The following PCDHA4 variants were observed in gnomAD, a reference collection of about 807,000 sequenced individuals.
PCDHA4 encodes the protein protocadherin alpha 4, also known as protocadherin alpha-4.
PCDHA4 carries 49 observed loss-of-function variants against 61.4 expected under a neutral mutation model. That is an observed-to-expected ratio of 0.80 (90% CI 0.63 to 1.01). PCDHA4 has a LOEUF of 1.01. Ranked by LOEUF, PCDHA4 falls within the 50% of genes least tolerant of loss-of-function variation. The pLI is 0.00. For missense variants in PCDHA4, 1,254 were observed against 1,235.8 expected (o/e 1.01, Z -0.22); for synonymous variants, 590 against 550.3 (o/e 1.07, Z -1.01).
At chr5:140,863,444 G>T in intron 1 of PCDHA4, 4 of 585,532 alleles carry the variant, frequency 6.8e-6, no homozygotes, top group South Asian at 1.4e-5. Flanking sequence ...GGTCTTACTC[G>T]CAGCAAAGGA....
Position 140,961,691 on chromosome 5 carries a change from T to A in PCDHA4, c.2386-17258T>A, listed in dbSNP as rs963909259. On this transcript the variant is annotated intron_variant, in intron 1 of 3. Transcript: ENST00000530339. Reference sequence around the variant, plus strand: ...GTTTTTAATTAAGCCGGAGTAGTCCTTAGTATGAATGCCTTCATTTCTAAG... The same window carrying A: ...GTTTTTAATTAAGCCGGAGTAGTCCATAGTATGAATGCCTTCATTTCTAAG... Among the ~76,000 whole-genome samples the A allele has an allele frequency of 2.0e-5, 3 of 152,340 alleles. No individual in the cohort carries two copies. In the East Asian group the frequency reaches 5.8e-4, roughly 29 times the overall value.
rs78805068 is a variant in PCDHA4, at chr5:140,928,696, C to T, written c.2386-50253C>T. On this transcript the variant is annotated intron_variant, in intron 1 of 3. Transcript: ENST00000530339. ...TGCCTGGCTTTCCTACCACATCTCC[C>T]GGGCGTCTGACTCTAGTCTCTTTAG... The T allele has an allele frequency of 3.2e-3, 5,185 of 1,614,146 alleles. 27 individuals carry two copies. The highest frequency in any genetic ancestry group is 0.019 in the African/African-American group (1,449 of 75,020).
chr5:140,807,100 A>C lies in PCDHA4; in HGVS notation c.-88A>C, dbSNP rs1763843839. ...CTCTTTGGAGTCTGAAATATGGAGG[A>C]TGCAGCTGCACTTGACTGACCGATT... On this transcript the variant is annotated 5_prime_UTR_variant, in exon 1 of 4. It removes an upstream start codon present in the reference 5' UTR. Transcript: ENST00000530339. The C allele has an allele frequency of 1.4e-6, 2 of 1,408,914 alleles. No individual in the cohort carries two copies. Among genetic ancestry groups the C allele is most frequent in the Admixed American group, 2.0e-5 (1 of 49,182 alleles). 87.3% of individuals were successfully genotyped at this position (1,408,914 alleles called of 1,614,324 possible).
rs2150412842 is a variant in PCDHA4 at position 140,848,560 on chromosome 5, C to A, written c.2385+38988C>A. 2.5e-6 allele frequency: 4 copies of A among 1,595,490 alleles called. No homozygotes were observed. The highest frequency in any genetic ancestry group is 3.4e-5 in the Admixed American group (2 of 59,252). On this transcript the variant is annotated intron_variant, in intron 1 of 3. Coordinates refer to ENST00000530339, the MANE Select transcript of PCDHA4 (RefSeq NM_018907.4). ...CTACTGCTCTCGCTTCTGATCCTCG[C>A]AATGTGGGTGGTGGGGAGCGGCCAG...
At chr5:140,882,210 C>G in intron 1 of PCDHA4, 3 of 1,533,604 alleles carry the variant, frequency 2.0e-6, no homozygotes, top group Admixed American at 2.1e-5. Flanking sequence ...CCTTGAGAGA[C>G]AGTTTGAGGT....
chr5:140,839,663 T>C (rs1477931034), intron 1 of PCDHA4, among the ~76,000 whole-genome samples: 1 of 152,084 alleles, frequency 6.6e-6, no homozygotes, highest in East Asian at 1.9e-4. Context: ...TTTGCTACTA[T>C]TTAGAGTCAA....
chr5:140,929,071 T>C, intron 1 of PCDHA4: 1 of 1,614,122 alleles, frequency 6.2e-7, no homozygotes, highest in South Asian at 1.1e-5. Flanking sequence ...GGATCTGAGG[T>C]ATGGAAGTAA....
At chr5:140,871,303 G>A (rs1562661921) in intron 1 of PCDHA4, 1 of 1,613,854 alleles carries the variant, frequency 6.2e-7, no homozygotes, top group Non-Finnish European at 8.5e-7. Flanking sequence ...GTGCGCGCCG[G>A]GGAAGCCCAC....
At position 140,836,012 on chromosome 5, in the gene PCDHA4, G is replaced by A. The variant is rs2150250608; in HGVS notation, c.2385+26440G>A. ...TGAGCGCGCGCGATGCGGGCGTGCC[G>A]CCTCTGGGCAGCAACGTGACGCTGC... On this transcript the variant is annotated intron_variant, in intron 1 of 3. Coordinates refer to ENST00000530339, the MANE Select transcript of PCDHA4 (RefSeq NM_018907.4). 1.8e-5 allele frequency: 29 copies of A among 1,613,192 alleles called. No individual in the cohort carries two copies. In the Admixed American group the frequency reaches 4.3e-4, roughly 24 times the overall value.
intron 1 of PCDHA4, chr5:140,824,092 C>A: frequency 6.2e-7 from 1 of 1,614,146 alleles, no homozygotes; most frequent in African/African-American, 1.3e-5. Context: ...GGCCTTCAGT[C>A]CAAGCCTTCC....
chr5:140,883,231 G>A, intron 1 of PCDHA4: 1 of 1,613,930 alleles, frequency 6.2e-7, no homozygotes, highest in Non-Finnish European at 8.5e-7. Context: ...TATCCGTGGA[G>A]GCAGTTGACA....
chr5:140,966,486 C>G (rs1563351032), intron 1 of PCDHA4: 1 of 432,846 alleles, frequency 2.3e-6, no homozygotes. Context: ...CTTTTCCCTC[C>G]CCCTGGAGCT....
At chr5:140,962,622 G>A (rs1389569825) in intron 1 of PCDHA4, among the ~76,000 whole-genome samples, 2 of 152,130 alleles carry the variant, frequency 1.3e-5, no homozygotes, top group African/African-American at 2.4e-5. Context: ...AGGGAGATGT[G>A]AAAAAATTTA....
At chr5:140,858,437 G>A (rs1343643925) in intron 1 of PCDHA4, 1 of 1,541,834 alleles carries the variant, frequency 6.5e-7, no homozygotes, top group Non-Finnish European at 8.8e-7. Flanking sequence ...CTCTAGGAAG[G>A]TGGGTTATTA....
At chr5:140,944,124 G>T (rs922088265) in intron 1 of PCDHA4, among the ~76,000 whole-genome samples, 10 of 152,200 alleles carry the variant, frequency 6.6e-5, no homozygotes, top group Admixed American at 6.5e-4. Context: ...TACCAGAGAA[G>T]AAAAGGTTGA....
intron 1 of PCDHA4, chr5:140,842,916 A>T: frequency 6.3e-7 from 1 of 1,594,694 alleles, no homozygotes; most frequent in East Asian, 2.2e-5. Flanking sequence ...GAGCTGCTGC[A>T]GTTCCAGGTG....
intron 1 of PCDHA4, chr5:140,825,402 A>G (rs1474755792): frequency 1.4e-5 from 2 of 146,354 alleles, no homozygotes; most frequent in East Asian, 3.9e-4. Context: ...CTAATATATT[A>G]TATATTTTAT....
Position 140,830,107 on chromosome 5 carries a change from T to C in PCDHA4, c.2385+20535T>C, listed in dbSNP as rs2150181234. The C allele has an allele frequency of 3.1e-6, 5 of 1,612,600 alleles. No homozygotes were observed. The East Asian group carries it at 6.7e-5, about 22-fold the overall frequency. On this transcript the variant is annotated intron_variant, in intron 1 of 3. Transcript: ENST00000530339. ...CGGTTCTGGTGTCGCTGGTGGAGAG[T>C]GGCCAGGCTCCAAAGGCGTCATCAC... is the stretch of plus-strand genomic sequence containing the variant.
chr5:140,954,996 A>G (rs879953600), intron 1 of PCDHA4, among the ~76,000 whole-genome samples: 16 of 152,214 alleles, frequency 1.1e-4, no homozygotes, highest in Non-Finnish European at 1.6e-4. Flanking sequence ...GCATATGGCT[A>G]GCCAATTCTC....
Sources: allele counts gnomAD v4.1 joint callset (sites outside exome capture counted in the v4.1 genomes callset), GRCh38; gene constraint gnomAD v4.1.1; transcripts MANE v1.5; gene names NCBI Gene and HGNC (gene_info 2026-07-23, HGNC 2026-07-21).